The following RBFOX1 variants were observed in gnomAD, a reference collection of about 807,000 sequenced individuals.
The protein encoded by RBFOX1 is RNA binding protein fox-1 homolog 1.
Under a neutral mutation model 57.7 loss-of-function variants are expected in RBFOX1, and 8 were observed. The ratio of observed to expected loss-of-function variants is 0.14; its 90% CI spans 0.08 to 0.25. The LOEUF (loss-of-function observed/expected upper bound fraction) is 0.25. RBFOX1 is among the 10% of genes least tolerant of loss of function. RBFOX1 has a pLI of 1.00. For missense variants in RBFOX1, 611 were observed against 548.5 expected (o/e 1.11, Z -1.14); for synonymous variants, 326 against 222.4 (o/e 1.47, Z -4.15).
intron 2 of RBFOX1, among the ~76,000 whole-genome samples, chr16:5,537,412 A>G (rs2044743183): frequency 6.6e-6 from 1 of 152,242 alleles, no homozygotes; most frequent in Non-Finnish European, 1.5e-5. Flanking sequence ...ACTTATGCCA[A>G]CAAAAAATTT....
chr16:6,756,730 G>A (rs2154195408), intron 3 of RBFOX1, among the ~76,000 whole-genome samples: 1 of 152,228 alleles, frequency 6.6e-6, no homozygotes, highest in Middle Eastern at 3.4e-3. Flanking sequence ...CCAACACTTT[G>A]GGAGGCTGAG....
chr16:7,171,978 G>A (rs1252696623), intron 4 of RBFOX1, among the ~76,000 whole-genome samples: 2 of 152,170 alleles, frequency 1.3e-5, no homozygotes, highest in Non-Finnish European at 2.9e-5. Flanking sequence ...TGGAAGCTGT[G>A]TAGTATAGTA....
chr16:6,136,395 G>A (rs9936703), intron 1 of RBFOX1, among the ~76,000 whole-genome samples: 4,631 of 152,166 alleles, frequency 0.03, 249 homozygotes, highest in African/African-American at 0.11. Context: ...CTCAGGTGTT[G>A]CAGAGTAGGA....
Position 6,674,047 on chromosome 16 carries a change from C to T in RBFOX1, c.-16+19397C>T, listed in dbSNP as rs536584748. Among the ~76,000 whole-genome samples the T allele has an allele frequency of 3.3e-5, 5 of 152,178 alleles. No homozygotes were observed. The East Asian group carries it at 9.7e-4, about 30-fold the overall frequency. ...TTAAGAGAATCCTATTTTAGGATTACCCTAGGAAATAAGTAGGAGATTCAG... is the reference window on the plus strand; with the variant it reads ...TTAAGAGAATCCTATTTTAGGATTATCCTAGGAAATAAGTAGGAGATTCAG... On this transcript the variant is annotated intron_variant, in intron 3 of 15. Coordinates refer to ENST00000550418, the MANE Select transcript of RBFOX1 (RefSeq NM_018723.4).
intron 1 of RBFOX1, among the ~76,000 whole-genome samples, chr16:5,264,749 A>T (rs1332173505): frequency 6.6e-6 from 1 of 151,964 alleles, no homozygotes; most frequent in East Asian, 1.9e-4. Flanking sequence ...TCTAGCTAGG[A>T]GCTTTTAATT....
intron 3 of RBFOX1, among the ~76,000 whole-genome samples, chr16:6,890,803 G>C (rs934929112): frequency 5.9e-5 from 9 of 152,178 alleles, no homozygotes; most frequent in Non-Finnish European, 1.3e-4. Context: ...TCTGTTCTGT[G>C]TGAAAAGTAA....
chr16:6,040,987 T>C (rs1423690530), intron 1 of RBFOX1, among the ~76,000 whole-genome samples: 1 of 152,150 alleles, frequency 6.6e-6, no homozygotes, highest in Non-Finnish European at 1.5e-5. Flanking sequence ...GTTGCTTCCG[T>C]GTTTTAGCTA....
At chr16:7,696,269 A>G (rs2078769679) in intron 14 of RBFOX1, among the ~76,000 whole-genome samples, 1 of 152,196 alleles carries the variant, frequency 6.6e-6, no homozygotes, top group South Asian at 2.1e-4. Context: ...ACTTGGGACT[A>G]GGCTTTTATA....
At chr16:6,935,068 G>C (rs372443727) in intron 3 of RBFOX1, among the ~76,000 whole-genome samples, 1 of 151,852 alleles carries the variant, frequency 6.6e-6, no homozygotes, top group African/African-American at 2.4e-5. Flanking sequence ...TCCAGCCTGC[G>C]TGACAGTGAG....
chr16:6,716,327 A>G (rs1466505411), intron 3 of RBFOX1, among the ~76,000 whole-genome samples: 2 of 152,178 alleles, frequency 1.3e-5, no homozygotes, highest in African/African-American at 4.8e-5. Flanking sequence ...GGTATTTTCC[A>G]TGACCTTCCC....
chr16:6,686,950 T>A (rs1422388769), intron 3 of RBFOX1, among the ~76,000 whole-genome samples: 1 of 152,226 alleles, frequency 6.6e-6, no homozygotes, highest in Non-Finnish European at 1.5e-5. Flanking sequence ...ATTCTGCTCG[T>A]AATGATATGA....
chr16:5,679,147 G>A (rs1269577034), intron 3 of RBFOX1, among the ~76,000 whole-genome samples: 1 of 152,200 alleles, frequency 6.6e-6, no homozygotes, highest in Non-Finnish European at 1.5e-5. Context: ...ACCAGGCAGA[G>A]TACCCTGGAA....
At chr16:7,123,671 A>G (rs938101463) in intron 4 of RBFOX1, among the ~76,000 whole-genome samples, 5 of 152,152 alleles carry the variant, frequency 3.3e-5, no homozygotes, top group Non-Finnish European at 5.9e-5. Flanking sequence ...GGCAAAAATT[A>G]TCTTTTAAAA....
At chr16:6,694,873 C>T (rs953609056) in intron 3 of RBFOX1, among the ~76,000 whole-genome samples, 1 of 151,870 alleles carries the variant, frequency 6.6e-6, no homozygotes, top group African/African-American at 2.4e-5. Context: ...CTGGGAACCA[C>T]ACGGCAACAC....
At chr16:7,351,915 C>A (rs778628533) in intron 4 of RBFOX1, among the ~76,000 whole-genome samples, 1 of 152,138 alleles carries the variant, frequency 6.6e-6, no homozygotes, top group African/African-American at 2.4e-5. Context: ...CCAACCCCAA[C>A]CCCAGGAAAA....
At chr16:7,159,272 T>C (rs902190875) in intron 4 of RBFOX1, among the ~76,000 whole-genome samples, 1 of 148,308 alleles carries the variant, frequency 6.7e-6, no homozygotes, top group African/African-American at 2.5e-5. Flanking sequence ...GTAGACACCC[T>C]GAGGCTGAGC....
At chr16:7,292,958 T>A (rs184121407) in intron 4 of RBFOX1, among the ~76,000 whole-genome samples, 77 of 152,130 alleles carry the variant, frequency 5.1e-4, no homozygotes, top group African/African-American at 1.7e-3. Flanking sequence ...GGGGTGAGGA[T>A]ACGAATTTGT....
chr16:5,285,047 G>T (rs534433417), intron 1 of RBFOX1, among the ~76,000 whole-genome samples: 1 of 151,936 alleles, frequency 6.6e-6, no homozygotes, highest in Non-Finnish European at 1.5e-5. Flanking sequence ...TTATTAAATA[G>T]GTTTTCTATG....
intron 4 of RBFOX1, among the ~76,000 whole-genome samples, chr16:7,090,804 T>C (rs1483843583): frequency 2.0e-5 from 3 of 152,004 alleles, no homozygotes; most frequent in Non-Finnish European, 4.4e-5. Flanking sequence ...AGCAGGGAAG[T>C]CACGTTTACT....
Sources: gnomAD v4.1 joint callset for allele counts (sites outside exome capture counted in the v4.1 genomes callset) on GRCh38, gnomAD v4.1.1 for gene constraint, MANE v1.5 for transcripts, NCBI Gene and HGNC (gene_info 2026-07-23, HGNC 2026-07-21) for gene names.